The following DYNC2LI1 variants were observed in gnomAD, a reference collection of about 807,000 sequenced individuals.
DYNC2LI1 encodes the protein dynein cytoplasmic 2 light intermediate chain 1, also known as cytoplasmic dynein 2 light intermediate chain 1.
A neutral mutation model predicts 51.9 loss-of-function variants in DYNC2LI1; 45 were observed. That is an observed-to-expected ratio of 0.87 (90% CI 0.68 to 1.11). The LOEUF (loss-of-function observed/expected upper bound fraction) is 1.11, where lower values mean the gene tolerates loss of function less well. Among genes scored for constraint, DYNC2LI1 ranks in the 50% most tolerant of loss-of-function variants. The pLI is 0.00. For missense variants in DYNC2LI1, 490 were observed against 417.4 expected (o/e 1.17, Z -1.51); for synonymous variants, 130 against 137.8 (o/e 0.94, Z 0.40).
the DYNC2LI1 span, chr2:43,827,995 G>A: frequency 2.5e-6 from 4 of 1,614,086 alleles, no homozygotes; most frequent in East Asian, 8.9e-5. Flanking sequence ...GGATCCTGGA[G>A]CAGCTGGGCT....
At chr2:43,818,218 G>A in the DYNC2LI1 span, among the ~76,000 whole-genome samples, 10 of 152,242 alleles carry the variant, frequency 6.6e-5, no homozygotes, top group Middle Eastern at 3.4e-3. Flanking sequence ...TTGGGAGGCC[G>A]AGGTGGGCGA....
chr2:43,774,072 C>T lies in DYNC2LI1; in HGVS notation c.-67C>T. Reference sequence around the variant, plus strand: ...TCACTCCCAGACTCCTTGCGGAGCTCGCCGCCTGATTCTAGGCTGGTCACT... The same window carrying T: ...TCACTCCCAGACTCCTTGCGGAGCTTGCCGCCTGATTCTAGGCTGGTCACT... On this transcript the variant is annotated 5_prime_UTR_variant, in exon 1 of 13. Coordinates refer to ENST00000260605, the MANE Select transcript of DYNC2LI1 (RefSeq NM_016008.4). 2 of 1,604,838 alleles carry T rather than the reference C, an allele frequency of 1.2e-6. No homozygotes were observed. Among genetic ancestry groups the T allele is most frequent in the Non-Finnish European group, 8.5e-7 (1 of 1,175,560 alleles).
intron 3 of DYNC2LI1, 95 bp from the exon 4 acceptor site, chr2:43,787,086 G>C: frequency 1.0e-6 from 1 of 989,792 alleles, no homozygotes; most frequent in South Asian, 1.5e-5. Flanking sequence ...TACTAATAAA[G>C]TTTTCAAGAG....
intron 3 of DYNC2LI1, among the ~76,000 whole-genome samples, chr2:43,783,982 A>C (rs1337171466): frequency 6.6e-6 from 1 of 152,314 alleles, no homozygotes; most frequent in South Asian, 2.1e-4. Context: ...TATATTTCCT[A>C]ACGTATACTG....
chr2:43,784,784 A>T (rs899648925), intron 3 of DYNC2LI1, among the ~76,000 whole-genome samples: 3 of 152,036 alleles, frequency 2.0e-5, no homozygotes, highest in Non-Finnish European at 4.4e-5. Flanking sequence ...GAAAAGGTTA[A>T]TTTTCTAAAA....
At chr2:43,776,579 T>G (rs1469647194) in intron 1 of DYNC2LI1, among the ~76,000 whole-genome samples, 1 of 152,150 alleles carries the variant, frequency 6.6e-6, no homozygotes, top group Admixed American at 6.5e-5. Flanking sequence ...TCAGTATTCT[T>G]CAGAGAACTA....
At position 43,777,435 on chromosome 2, in the gene DYNC2LI1, T is replaced by C. The variant is rs564595005; in HGVS notation, c.126+536T>C. Among the ~76,000 whole-genome samples the C allele has an allele frequency of 2.0e-5, 3 of 152,300 alleles. No individual in the cohort carries two copies. In the East Asian group the frequency reaches 5.8e-4, roughly 29 times the overall value. ...CCAAGCATACAGAAAGGCGTGGAAG[T>C]GGCCACACAGTGTAGGAACATATGC... On this transcript the variant is annotated intron_variant, in intron 2 of 12. Transcript: ENST00000260605.
chr2:43,777,437 G>T (rs568807762), intron 2 of DYNC2LI1, among the ~76,000 whole-genome samples: 84 of 152,316 alleles, frequency 5.5e-4, no homozygotes, highest in Middle Eastern at 3.4e-3. Context: ...CGTGGAAGTG[G>T]CCACACAGTG....
chr2:43,789,865 C>T, intron 5 of DYNC2LI1, 144 bp downstream of exon 5: 2 of 597,446 alleles, frequency 3.3e-6, no homozygotes, highest in East Asian at 3.0e-5. Flanking sequence ...AAATGCCTAA[C>T]CTGTAATGCT....
chr2:43,774,188 G>A (rs1484728091), intron 1 of DYNC2LI1, 42 bp downstream of exon 1: 4 of 1,611,900 alleles, frequency 2.5e-6, no homozygotes, highest in Non-Finnish European at 3.4e-6. Context: ...GCTACTGAGA[G>A]TATTCCTGGA....
chr2:43,806,339 G>C (rs1020065117), intron 12 of DYNC2LI1, among the ~76,000 whole-genome samples: 1 of 152,210 alleles, frequency 6.6e-6, no homozygotes, highest in Non-Finnish European at 1.5e-5. Context: ...ACGTTGTTGC[G>C]AGGGTAACCT....
rs528258488 is a variant in DYNC2LI1 at position 43,794,341 on chromosome 2, G to T, written c.321-116G>T. 44 of 1,123,958 alleles carry T rather than the reference G, an allele frequency of 3.9e-5. No homozygotes were observed. In the East Asian group the frequency reaches 8.4e-4, roughly 22 times the overall value. The allele number at this position is 1,123,958 out of a possible 1,614,324, so 69.6% of individuals were successfully genotyped here. Reference sequence around the variant, plus strand: ...TTGGGAGTCTTAGAATAATGCTACGGTTTTTTTTTCCCCTTAAGGTATATT... The same window carrying T: ...TTGGGAGTCTTAGAATAATGCTACGTTTTTTTTTTCCCCTTAAGGTATATT... On this transcript the variant is annotated intron_variant, in intron 5 of 12. Coordinates refer to ENST00000260605, the MANE Select transcript of DYNC2LI1 (RefSeq NM_016008.4).
chr2:43,805,482 A>G (rs1666218073), intron 12 of DYNC2LI1: 3 of 250,534 alleles, frequency 1.2e-5, no homozygotes, highest in Non-Finnish European at 1.5e-5. Context: ...CACCACCCAG[A>G]CATGACTTAG....
At chr2:43,775,991 C>T (rs1035942159) in intron 1 of DYNC2LI1, among the ~76,000 whole-genome samples, 30 of 150,928 alleles carry the variant, frequency 2.0e-4, no homozygotes, top group African/African-American at 7.1e-4. Context: ...AGGTGTGAAC[C>T]ACCACTCCCA....
At chr2:43,799,011 C>G (rs2104704621) in intron 8 of DYNC2LI1, among the ~76,000 whole-genome samples, 1 of 151,430 alleles carries the variant, frequency 6.6e-6, no homozygotes, top group Non-Finnish European at 1.5e-5. Context: ...TTAATAAAAA[C>G]AAAACACAGG....
the DYNC2LI1 span, chr2:43,823,771 C>T: frequency 2.1e-6 from 2 of 935,226 alleles, no homozygotes; most frequent in East Asian, 2.6e-5. Context: ...CAATAGTTGC[C>T]TTTCCCCAGA....
At chr2:43,801,554 A>G in intron 9 of DYNC2LI1, 85 bp from the exon 10 acceptor site, 1 of 946,406 alleles carries the variant, frequency 1.1e-6, no homozygotes, top group Non-Finnish European at 1.6e-6. Context: ...AAACTAGCCG[A>G]TAATATTGCT....
the DYNC2LI1 span, among the ~76,000 whole-genome samples, chr2:43,816,435 A>G: frequency 3.7e-5 from 4 of 108,674 alleles, no homozygotes; most frequent in South Asian, 3.4e-4. Flanking sequence ...CAGGTGGCGG[A>G]GAGAGAGAAA....
At chr2:43,823,065 TAGA>T in the DYNC2LI1 span, 1 of 1,248,358 alleles carries the variant, frequency 8.0e-7, no homozygotes. Flanking sequence ...TCCCTAGTCA[TAGA>T]AGGAGGGGAC....
Sources: allele counts gnomAD v4.1 joint callset (sites outside exome capture counted in the v4.1 genomes callset), GRCh38; gene constraint gnomAD v4.1.1; transcripts MANE v1.5; gene names NCBI Gene and HGNC (gene_info 2026-07-23, HGNC 2026-07-21).